GAB1: variants seen among roughly 807,000 people sequenced by gnomAD.
GAB1 encodes GRB2-associated-binding protein 1.
Under a neutral mutation model 66.5 loss-of-function variants are expected in GAB1, and 19 were observed. That is an observed-to-expected ratio of 0.29 (90% CI 0.20 to 0.42). GAB1 has a LOEUF of 0.42. Ranked by LOEUF, GAB1 falls within the 10% of genes least tolerant of loss-of-function variation. GAB1 has a pLI of 1.00. For synonymous variants in GAB1, 294 were observed against 301.4 expected (o/e 0.98, Z 0.25); for missense variants, 732 against 858.5 (o/e 0.85, Z 1.84).
At chr4:143,454,304 A>C (rs1735074214) in intron 6 of GAB1, among the ~76,000 whole-genome samples, 2 of 152,210 alleles carry the variant, frequency 1.3e-5, no homozygotes, top group African/African-American at 4.8e-5. Flanking sequence ...GCTGGATTGA[A>C]TTGAAGTAGC....
intron 1 of GAB1, among the ~76,000 whole-genome samples, chr4:143,366,649 G>A (rs1729891708): frequency 6.6e-6 from 1 of 151,904 alleles, no homozygotes; most frequent in South Asian, 2.1e-4. Flanking sequence ...ACATACGCAG[G>A]CACACTCCTT....
chr4:143,372,148 A>C (rs749844287), intron 1 of GAB1, among the ~76,000 whole-genome samples: 3 of 151,956 alleles, frequency 2.0e-5, no homozygotes, highest in Non-Finnish European at 4.4e-5. Flanking sequence ...AACATGGTGA[A>C]ACCCCATCTC....
At chr4:143,388,835 A>T (rs1731043477) in intron 1 of GAB1, among the ~76,000 whole-genome samples, 1 of 152,238 alleles carries the variant, frequency 6.6e-6, no homozygotes, top group Non-Finnish European at 1.5e-5. Flanking sequence ...TCAGACCTGA[A>T]GCAGTATTTA....
Position 143,344,270 on chromosome 4 carries a change from G to T in GAB1, c.72+7010G>T, listed in dbSNP as rs545638214. Among the ~76,000 whole-genome samples the T allele has an allele frequency of 6.1e-3, 931 of 152,246 alleles. 12 individuals are homozygous for T. The highest frequency in any genetic ancestry group is 0.021 in the African/African-American group (887 of 41,534). ...CTGTGTGAGTGCCAGCTCGTGTTGG[G>T]GGGGAGAGAATAACACCAACGGATC... On this transcript the variant is annotated intron_variant, in intron 1 of 9. Coordinates refer to ENST00000262994, the MANE Select transcript of GAB1 (RefSeq NM_002039.4).
intron 1 of GAB1, among the ~76,000 whole-genome samples, chr4:143,386,100 C>T (rs1730892466): frequency 6.6e-6 from 1 of 152,146 alleles, no homozygotes; most frequent in Non-Finnish European, 1.5e-5. Context: ...CATGATCACG[C>T]CACTGCACTC....
chr4:143,374,739 G>C (rs1730339504), intron 1 of GAB1, among the ~76,000 whole-genome samples: 1 of 152,162 alleles, frequency 6.6e-6, no homozygotes, highest in South Asian at 2.1e-4. Flanking sequence ...CGTTGTCCTG[G>C]AAGAATTACT....
At position 143,413,824 on chromosome 4, in the gene GAB1, C is replaced by CTTTTTTTTTTTTTT. The variant is rs35422180; in HGVS notation, c.73-1642_73-1629dup. On this transcript the variant is annotated intron_variant, in intron 1 of 9. Coordinates refer to ENST00000262994, the MANE Select transcript of GAB1 (RefSeq NM_002039.4). ...AGAGCATCCCCACCACCCCGCTGCCCTTTTTTTTTTTTTTTTTTTTTTTTG... is the reference window on the plus strand; with the variant it reads ...AGAGCATCCCCACCACCCCGCTGCCCTTTTTTTTTTTTTTTTTTTTTTTTTTTTTTTTTTTTTTG... Among the ~76,000 whole-genome samples the CTTTTTTTTTTTTTT allele has an allele frequency of 1.7e-3, 117 of 67,826 alleles. 9 individuals carry two copies. Among genetic ancestry groups the CTTTTTTTTTTTTTT allele is most frequent in the Non-Finnish European group, 2.4e-3 (99 of 40,726 alleles). The allele number at this position is 67,826 out of a possible 152,430, so 44.5% of individuals were successfully genotyped here. A position where few individuals can be genotyped will look rare whatever the true frequency, so the allele number is the denominator to read the frequency against.
intron 6 of GAB1, among the ~76,000 whole-genome samples, chr4:143,453,307 A>T (rs1443171991): frequency 6.6e-6 from 1 of 152,134 alleles, no homozygotes; most frequent in Non-Finnish European, 1.5e-5. Context: ...ATATGATTAT[A>T]TCATATTTTT....
Position 143,433,648 on chromosome 4 carries a change from C to G in GAB1, c.525C>G (p.Gly175=). Residue 175 remains glycine, a synonymous_variant, in exon 3 of 10, where the codon GGC becomes GGG. Coordinates refer to ENST00000262994, the MANE Select transcript of GAB1 (RefSeq NM_002039.4). The part of the protein sequence containing the change: ...INVPPHLETL[G]IQEDPQDYLL... ...TTCCACCACACCTGGAAACTCTTGG[C>G]ATTCAGGAGGATCCTCAAGACTACC... 6.2e-7 allele frequency: 1 copy of G among 1,613,996 alleles called. No individual in the cohort carries two copies. The highest frequency in any genetic ancestry group is 8.5e-7 in the Non-Finnish European group (1 of 1,179,912).
intron 1 of GAB1, among the ~76,000 whole-genome samples, chr4:143,341,399 A>G (rs1420593656): frequency 6.6e-6 from 1 of 152,228 alleles, no homozygotes; most frequent in Non-Finnish European, 1.5e-5. Flanking sequence ...TAAATAAAGT[A>G]TTGTTTCAAG....
intron 6 of GAB1, among the ~76,000 whole-genome samples, chr4:143,447,338 A>G (rs1472506563): frequency 2.0e-5 from 3 of 152,172 alleles, no homozygotes; most frequent in South Asian, 4.1e-4. Context: ...GAAGAAAGTC[A>G]TTGGTAGATT....
chr4:143,372,563 G>A (rs1055705194), intron 1 of GAB1, among the ~76,000 whole-genome samples: 1 of 152,206 alleles, frequency 6.6e-6, no homozygotes, highest in African/African-American at 2.4e-5. Context: ...GGCTTAAATT[G>A]GGTCTGAAGT....
In GAB1 at chr4:143,438,025, C is replaced by T. The variant is rs1222028562; in HGVS notation, c.620C>T (p.Thr207Ile). 6.8e-6 allele frequency: 11 copies of T among 1,612,698 alleles called. No individual in the cohort carries two copies. Among genetic ancestry groups the T allele is most frequent in the African/African-American group, 1.3e-5 (1 of 74,906 alleles). The stretch of plus-strand genomic sequence containing the variant: ...ACGCATGCTGATTCTGCAAAATCCA[C>T]CTCTTCTGAAACAGACTGCAATGAT... ...TRTHADSAKS[T>I]SSETDCNDNV... Residue 207 changes from threonine (T) to isoleucine (I), a missense_variant, in exon 4 of 10, where the codon ACC becomes ATC. Around this residue, in one of 4 missense-constraint regions of GAB1, gnomAD observed 427 missense variants for 420.6 expected, o/e 1.02. Coordinates refer to ENST00000262994, the MANE Select transcript of GAB1 (RefSeq NM_002039.4).
In GAB1 at chr4:143,413,163, T is replaced by G. The variant is rs112702786; in HGVS notation, c.73-2314T>G. Among the ~76,000 whole-genome samples the G allele has an allele frequency of 5.5e-3, 838 of 152,340 alleles. 3 individuals carry two copies. Among genetic ancestry groups the G allele is most frequent in the Middle Eastern group, 0.02 (6 of 294 alleles). ...TGGAGAAATCACTTACTGAATGATATGATTTCTTGAGGGCCCTGCATAAAT... is the reference window on the plus strand; with the variant it reads ...TGGAGAAATCACTTACTGAATGATAGGATTTCTTGAGGGCCCTGCATAAAT... On this transcript the variant is annotated intron_variant, in intron 1 of 9. Transcript: ENST00000262994.
At chr4:143,362,633 G>C (rs1051944750) in intron 1 of GAB1, among the ~76,000 whole-genome samples, 9 of 152,206 alleles carry the variant, frequency 5.9e-5, no homozygotes, top group Admixed American at 5.9e-4. Context: ...GCGCTGATGG[G>C]AGTGTCTCTT....
At chr4:143,424,948 C>T (rs955961179) in intron 2 of GAB1, 36 of 566,184 alleles carry the variant, frequency 6.4e-5, no homozygotes, top group Admixed American at 6.3e-4. Flanking sequence ...AGCGAGACTC[C>T]GACTTTAAAA....
intron 6 of GAB1, among the ~76,000 whole-genome samples, chr4:143,442,834 G>A (rs1029303673): frequency 8.6e-5 from 13 of 151,790 alleles, no homozygotes; most frequent in South Asian, 4.2e-4. Flanking sequence ...TTGTGAGTTC[G>A]TTGGCCACAT....
chr4:143,377,188 TG>T (rs1441849348), intron 1 of GAB1, among the ~76,000 whole-genome samples: 2 of 152,206 alleles, frequency 1.3e-5, no homozygotes, highest in Non-Finnish European at 2.9e-5. Flanking sequence ...CGAAAAGTTG[TG>T]GATGAATCCA....
rs1736177053 is a variant in GAB1, at chr4:143,473,847, AATC to A, written c.*4661_*4663del. On this transcript the variant is annotated 3_prime_UTR_variant, in exon 10 of 10. Transcript: ENST00000262994. ...CACTTGCAACTCTGACTCTTCACTG[AATC>A]ATATTTGGGAAGTTTGGGTAGGGTG... 1.3e-5 allele frequency: 2 copies of A among 152,208 alleles called. No individual in the cohort carries two copies. Among genetic ancestry groups the A allele is most frequent in the South Asian group, 4.1e-4 (2 of 4,834 alleles). The allele number at this position is 152,208 out of a possible 1,614,324, so 9.4% of individuals were successfully genotyped here. A position where few individuals can be genotyped will look rare whatever the true frequency, so the allele number is the denominator to read the frequency against.
Sources: allele counts gnomAD v4.1 joint callset (sites outside exome capture counted in the v4.1 genomes callset), GRCh38; gene constraint gnomAD v4.1.1; regional missense constraint gnomAD v4.1.1; transcripts MANE v1.5; gene names NCBI Gene and HGNC (gene_info 2026-07-23, HGNC 2026-07-21).